PGCKA1: variants seen among roughly 807,000 people sequenced by gnomAD.
The protein encoded by PGCKA1 is PDCD10 and GCKIII kinases associated 1, also known as PDCD10 and GCKIII kinases-associated protein 1.
At chr4:37,579,148 AC>A in the PGCKA1 span, among the ~76,000 whole-genome samples, 2 of 152,302 alleles carry the variant, frequency 1.3e-5, no homozygotes, top group South Asian at 4.1e-4. Context: ...AAAACCAAAA[AC>A]AAAAAAACAA....
At chr4:37,520,960 A>T in the PGCKA1 span, among the ~76,000 whole-genome samples, 1 of 152,046 alleles carries the variant, frequency 6.6e-6, no homozygotes, top group Non-Finnish European at 1.5e-5. Flanking sequence ...TCTCTTTTTT[A>T]TAGTTAGTCT....
the PGCKA1 span, among the ~76,000 whole-genome samples, chr4:37,471,462 A>G: frequency 6.6e-6 from 1 of 152,190 alleles, no homozygotes; most frequent in African/African-American, 2.4e-5. Context: ...ATGTAAATGT[A>G]TTCTAGAATG....
At chr4:37,570,019 G>A in the PGCKA1 span, among the ~76,000 whole-genome samples, 6 of 132,108 alleles carry the variant, frequency 4.5e-5, no homozygotes, top group Middle Eastern at 4.9e-3. Context: ...TCGCTCTGTC[G>A]CCCCGGCTGG....
chr4:37,551,625 A>G, the PGCKA1 span, among the ~76,000 whole-genome samples: 2,493 of 152,354 alleles, frequency 0.016, 68 homozygotes, highest in African/African-American at 0.057. Context: ...ATAGATAATC[A>G]AAGGCAAGTA....
chr4:37,462,848 T>A, the PGCKA1 span, among the ~76,000 whole-genome samples: 1 of 151,386 alleles, frequency 6.6e-6, no homozygotes, highest in South Asian at 2.1e-4. Flanking sequence ...TACAAAAAAT[T>A]AGCCGGGCTT....
At chr4:37,518,936 G>T in the PGCKA1 span, among the ~76,000 whole-genome samples, 1 of 152,162 alleles carries the variant, frequency 6.6e-6, no homozygotes, top group Non-Finnish European at 1.5e-5. Flanking sequence ...CATTTTGATT[G>T]ATTTTTGTAT....
the PGCKA1 span, among the ~76,000 whole-genome samples, chr4:37,494,451 T>C: frequency 6.6e-6 from 1 of 152,230 alleles, no homozygotes; most frequent in Non-Finnish European, 1.5e-5. Context: ...TCAAAGGACA[T>C]GATATTGTTC....
chr4:37,535,723 G>T, the PGCKA1 span, among the ~76,000 whole-genome samples: 2 of 152,146 alleles, frequency 1.3e-5, no homozygotes, highest in South Asian at 2.1e-4. Flanking sequence ...TTGGAAAGGG[G>T]CATTACCACC....
the PGCKA1 span, among the ~76,000 whole-genome samples, chr4:37,568,731 G>T: frequency 2.6e-5 from 4 of 152,206 alleles, no homozygotes; most frequent in African/African-American, 9.7e-5. Context: ...CATGCCTTCA[G>T]CATAATTCTC....
the PGCKA1 span, among the ~76,000 whole-genome samples, chr4:37,520,852 C>T: frequency 2.6e-5 from 4 of 152,058 alleles, no homozygotes; most frequent in Admixed American, 6.5e-5. Flanking sequence ...CTCCTGACCT[C>T]GCAATCCGCC....
the PGCKA1 span, among the ~76,000 whole-genome samples, chr4:37,513,225 A>G: frequency 1.3e-5 from 2 of 152,212 alleles, no homozygotes; most frequent in Non-Finnish European, 2.9e-5. Flanking sequence ...TTTCAAAATT[A>G]AGTCTAATTC....
chr4:37,461,228 A>G, the PGCKA1 span: 1 of 152,174 alleles, frequency 6.6e-6, no homozygotes, highest in Non-Finnish European at 1.5e-5. Flanking sequence ...GCCTTGTAAT[A>G]TAATTTGAAG....
At chr4:37,492,607 A>G in the PGCKA1 span, among the ~76,000 whole-genome samples, 14,415 of 152,224 alleles carry the variant, frequency 0.095, 986 homozygotes, top group South Asian at 0.26. The surrounding 1 kb of genome is among the most constrained non-coding windows in gnomAD (Gnocchi z 4.7). Context: ...CTTCGGGCAT[A>G]TTTACTTAAT....
At chr4:37,466,747 A>G in the PGCKA1 span, among the ~76,000 whole-genome samples, 1 of 152,332 alleles carries the variant, frequency 6.6e-6, no homozygotes, top group African/African-American at 2.4e-5. Context: ...GGACTTGGGT[A>G]TACAAGTTTT....
the PGCKA1 span, among the ~76,000 whole-genome samples, chr4:37,537,938 G>C: frequency 2.0e-5 from 3 of 152,150 alleles, no homozygotes; most frequent in African/African-American, 7.2e-5. Flanking sequence ...AAGATAGTGA[G>C]TGTAAAGTAT....
chr4:37,571,662 C>T, the PGCKA1 span, among the ~76,000 whole-genome samples: 2,928 of 152,168 alleles, frequency 0.019, 87 homozygotes, highest in African/African-American at 0.064. Context: ...CTCAGCCTCC[C>T]AAGTAGCTGG....
At chr4:37,566,556 T>C in the PGCKA1 span, among the ~76,000 whole-genome samples, 1 of 150,412 alleles carries the variant, frequency 6.6e-6, no homozygotes, top group African/African-American at 2.4e-5. Context: ...GCTGGGCTTA[T>C]AGGCACCCAA....
At chr4:37,508,821 C>CTGCT in the PGCKA1 span, among the ~76,000 whole-genome samples, 2 of 149,806 alleles carry the variant, frequency 1.3e-5, no homozygotes, top group African/African-American at 4.9e-5. Context: ...GCAGAGGACC[C>CTGCT]TGCGGCCTTC....
chr4:37,548,547 A>G, the PGCKA1 span, among the ~76,000 whole-genome samples: 1 of 152,150 alleles, frequency 6.6e-6, no homozygotes, highest in Non-Finnish European at 1.5e-5. Context: ...AAGGTTAAAA[A>G]AAAAGAGTCT....
Sources: gnomAD v4.1 joint callset for allele counts (sites outside exome capture counted in the v4.1 genomes callset) on GRCh38, gnomAD v4.1.1 for gene constraint, Gnocchi (gnomAD v3.1) non-coding constraint, MANE v1.5 for transcripts, NCBI Gene and HGNC (gene_info 2026-07-23, HGNC 2026-07-21) for gene names.